FEZ1: variants seen among roughly 807,000 people sequenced by gnomAD.
FEZ1 encodes the protein fasciculation and elongation protein zeta 1.
A neutral mutation model predicts 49.3 loss-of-function variants in FEZ1; 20 were observed. That is an observed-to-expected ratio of 0.41 (90% CI 0.29 to 0.59). The LOEUF (loss-of-function observed/expected upper bound fraction) is 0.59. FEZ1 is among the 20% of genes least tolerant of loss of function. The probability of loss-of-function intolerance (pLI) is 0.36; values close to 1 mark genes in which losing one functional copy is unlikely to be tolerated. For synonymous variants in FEZ1, 170 were observed against 180.9 expected (o/e 0.94, Z 0.48); for missense variants, 413 against 476.0 (o/e 0.87, Z 1.23).
chr11:125,478,958 CA>C (rs1366480344), intron 3 of FEZ1, among the ~76,000 whole-genome samples: 2 of 152,202 alleles, frequency 1.3e-5, no homozygotes, highest in Non-Finnish European at 2.9e-5. Flanking sequence ...GATTTAATTT[CA>C]GTAACTAGAT....
intron 3 of FEZ1, among the ~76,000 whole-genome samples, chr11:125,478,308 G>A (rs1238948481): frequency 1.3e-5 from 2 of 152,160 alleles, no homozygotes; most frequent in South Asian, 2.1e-4. Flanking sequence ...TGAGCATGAT[G>A]GCACATGCCT....
chr11:125,463,617 A>G (rs373228302), intron 3 of FEZ1, 47 bp from the exon 4 acceptor site: 1 of 1,155,560 alleles, frequency 8.7e-7, no homozygotes, highest in Non-Finnish European at 1.3e-6. Flanking sequence ...CATCAGCAGA[A>G]GTGGGATTGC....
At position 125,496,209 on chromosome 11, in the gene FEZ1, C is replaced by T. The variant is rs1473063722; in HGVS notation, c.-134G>A. On this transcript the variant is annotated 5_prime_UTR_variant, in exon 1 of 10. Transcript: ENST00000278919. ...CCGCGGGAGCGGCCGGAGCGCAGCG[C>T]AGCGCAGCGGAGAGCCAGCCAGCCA... The T allele has an allele frequency of 6.5e-6, 1 of 152,874 alleles. No homozygotes were observed. Among genetic ancestry groups the T allele is most frequent in the Non-Finnish European group, 1.5e-5 (1 of 68,604 alleles). The allele number at this position is 152,874 out of a possible 1,614,324, so 9.5% of individuals were successfully genotyped here.
rs34135138 is a variant in FEZ1, at chr11:125,474,191, A to ATT, written c.411+7341_411+7342dup. ...AGGCACGTGCCACCATGCCAGGCTA[A>ATT]TTTTTTTTTTTTTTTTTTTTGTATT... On this transcript the variant is annotated intron_variant, in intron 3 of 9. Coordinates refer to ENST00000278919, the MANE Select transcript of FEZ1 (RefSeq NM_005103.5). Among the ~76,000 whole-genome samples, 1,275 of 128,414 alleles carry ATT rather than the reference A, an allele frequency of 9.9e-3. 17 individuals carry two copies. The highest frequency in any genetic ancestry group is 0.032 in the African/African-American group (1,054 of 33,124). 84.2% of individuals were successfully genotyped at this position (128,414 alleles called of 152,430 possible).
rs1183604702 is a variant in FEZ1 at position 125,474,899 on chromosome 11, G to A, written c.411+6635C>T. ...CAAGACTCCAACTCAAAGAAAAAAA[G>A]AAACTCTTACAACTCAATACTAAGA... On this transcript the variant is annotated intron_variant, in intron 3 of 9. Transcript: ENST00000278919. 2.6e-5 allele frequency among the ~76,000 whole-genome samples: 4 copies of A among 151,840 alleles called. No individual in the cohort carries two copies. The East Asian group carries it at 7.8e-4, about 29-fold the overall frequency.
Position 125,489,135 on chromosome 11 carries a change from C to G in FEZ1, c.311+332G>C, listed in dbSNP as rs763289184. ...ATCATGGTTAATTAATTTTTTCTGGCCTTTATTTCTAATATCTCGCTGGAT... is the reference window on the plus strand; with the variant it reads ...ATCATGGTTAATTAATTTTTTCTGGGCTTTATTTCTAATATCTCGCTGGAT... On this transcript the variant is annotated intron_variant, in intron 2 of 9. Coordinates refer to ENST00000278919, the MANE Select transcript of FEZ1 (RefSeq NM_005103.5). This position sits in a 1 kb window ranked among gnomAD's most constrained non-coding sequence, Gnocchi z 4.2. 3 of 1,014,852 alleles carry G rather than the reference C, an allele frequency of 3.0e-6. No homozygotes were observed. The highest frequency in any genetic ancestry group is 9.2e-5 in the East Asian group (1 of 10,908). The allele number at this position is 1,014,852 out of a possible 1,614,324, so 62.9% of individuals were successfully genotyped here.
At chr11:125,459,822 C>T (rs528134031) in intron 5 of FEZ1, among the ~76,000 whole-genome samples, 4 of 152,154 alleles carry the variant, frequency 2.6e-5, no homozygotes, top group Non-Finnish European at 5.9e-5. Flanking sequence ...TAAGGCCAGG[C>T]GCAGTGGCTC....
In FEZ1 at chr11:125,443,200, G is replaced by A. The variant is rs1003112970; in HGVS notation, c.*2895C>T. Among the ~76,000 whole-genome samples the A allele has an allele frequency of 1.3e-5, 2 of 152,194 alleles. No homozygotes were observed. Among genetic ancestry groups the A allele is most frequent in the African/African-American group, 4.8e-5 (2 of 41,420 alleles). On this transcript the variant is annotated 3_prime_UTR_variant, in exon 10 of 10. Transcript: ENST00000278919. ...GGCTCTCTGGCACACTTTGCGGAGT[G>A]CGGACATCCTAGACAGGACTTGAGT...
chr11:125,484,219 A>G (rs12273855), intron 2 of FEZ1, among the ~76,000 whole-genome samples: 2,901 of 152,336 alleles, frequency 0.019, 73 homozygotes, highest in African/African-American at 0.056. Flanking sequence ...ACTCTAAACC[A>G]GATTCGAAAC....
rs1224616462 is a variant in FEZ1 at position 125,443,902 on chromosome 11, G to A, written c.*2193C>T. ...CTGCCGCTTCAGACACCTGCTGGCA[G>A]GATAAATTGGGGGAAAGGAGTGGCT... On this transcript the variant is annotated 3_prime_UTR_variant, in exon 10 of 10. Coordinates refer to ENST00000278919, the MANE Select transcript of FEZ1 (RefSeq NM_005103.5). Among the ~76,000 whole-genome samples the A allele has an allele frequency of 6.6e-6, 1 of 152,190 alleles. No individual in the cohort carries two copies. Among genetic ancestry groups the A allele is most frequent in the African/African-American group, 2.4e-5 (1 of 41,440 alleles).
chr11:125,456,003 C>T lies in FEZ1; in HGVS notation c.771G>A (p.Arg257=). 6.2e-7 allele frequency: 1 copy of T among 1,613,498 alleles called. No individual in the cohort carries two copies. Among genetic ancestry groups the T allele is most frequent in the South Asian group, 1.1e-5 (1 of 91,044 alleles). The change falls in exon 6 of 10, where the codon CGG becomes CGA. Residue 257 remains arginine (R), a synonymous_variant. Coordinates refer to ENST00000278919, the MANE Select transcript of FEZ1 (RefSeq NM_005103.5). ...SEELVQQLAR[R]DELEFEKEVK... ...CTTCCTTCTCAAACTCCAGCTCGTC[C>T]CGGCGGGCCAGCTGCTGCACCAGCT...
intron 4 of FEZ1, among the ~76,000 whole-genome samples, chr11:125,462,175 C>T (rs1398312330): frequency 1.3e-5 from 2 of 152,194 alleles, no homozygotes; most frequent in Non-Finnish European, 2.9e-5. Flanking sequence ...TTTCTGGCAC[C>T]GAAGGCTGCC....
chr11:125,450,029 G>GTT (rs1383731186), intron 8 of FEZ1, among the ~76,000 whole-genome samples: 4 of 143,610 alleles, frequency 2.8e-5, no homozygotes, highest in Admixed American at 7.0e-5. Context: ...TTTCTTCTGG[G>GTT]TTTTTTTTTT....
rs999687787 is a variant in FEZ1 at position 125,489,358 on chromosome 11, A to G, written c.311+109T>C. On this transcript the variant is annotated intron_variant, in intron 2 of 9. Coordinates refer to ENST00000278919, the MANE Select transcript of FEZ1 (RefSeq NM_005103.5). This position sits in a 1 kb window ranked among gnomAD's most constrained non-coding sequence, Gnocchi z 4.2. ...GCACTGCTCCGCTGGCAACACGAAA[A>G]TGAAAGTAATAGCCCATAAACCTAT... 1 of 1,490,110 alleles carries G rather than the reference A, an allele frequency of 6.7e-7. No individual in the cohort carries two copies. The highest frequency in any genetic ancestry group is 8.9e-7 in the Non-Finnish European group (1 of 1,121,968). The allele number at this position is 1,490,110 out of a possible 1,614,324, so 92.3% of individuals were successfully genotyped here.
At chr11:125,476,085 TAG>T (rs1957230157) in intron 3 of FEZ1, among the ~76,000 whole-genome samples, 1 of 152,182 alleles carries the variant, frequency 6.6e-6, no homozygotes, top group East Asian at 1.9e-4. Context: ...TGCAAAATTC[TAG>T]AAAATGAAAA....
chr11:125,474,703 C>G (rs1037410048), intron 3 of FEZ1, among the ~76,000 whole-genome samples: 2 of 150,592 alleles, frequency 1.3e-5, no homozygotes, highest in African/African-American at 4.9e-5. Flanking sequence ...GCCTGACCAA[C>G]ATGGTGAAAC....
intron 1 of FEZ1, among the ~76,000 whole-genome samples, chr11:125,494,676 C>G (rs1265715153): frequency 6.6e-6 from 1 of 152,176 alleles, no homozygotes; most frequent in African/African-American, 2.4e-5. Flanking sequence ...TATTTTCACT[C>G]CCAATAGATG....
intron 3 of FEZ1, among the ~76,000 whole-genome samples, chr11:125,476,055 A>C (rs1957229738): frequency 2.0e-5 from 3 of 152,250 alleles, no homozygotes; most frequent in Non-Finnish European, 2.9e-5. Flanking sequence ...GAAAATGTAC[A>C]TATTGCATGA....
chr11:125,490,590 G>C (rs1353135523), intron 1 of FEZ1, among the ~76,000 whole-genome samples: 2 of 152,104 alleles, frequency 1.3e-5, no homozygotes, highest in African/African-American at 4.8e-5. Flanking sequence ...GGATGTGGTG[G>C]CTCATGCTTG....
Sources: allele counts gnomAD v4.1 joint callset (sites outside exome capture counted in the v4.1 genomes callset), GRCh38; gene constraint gnomAD v4.1.1; non-coding constraint Gnocchi (gnomAD v3.1); transcripts MANE v1.5; gene names NCBI Gene and HGNC (gene_info 2026-07-23, HGNC 2026-07-21).